The following DIP2B variants were observed in gnomAD, a reference collection of about 807,000 sequenced individuals.
DIP2B encodes the protein disco-interacting protein 2 homolog B.
In DIP2B, 76 loss-of-function variants were observed where a neutral mutation model predicts 198.0. The observed-to-expected ratio is 0.38, with a 90% CI of 0.32 to 0.46. The LOEUF (loss-of-function observed/expected upper bound fraction) is 0.46, where lower values mean the gene tolerates loss of function less well. Ranked by LOEUF, DIP2B falls within the 20% of genes least tolerant of loss-of-function variation. The pLI is 0.99. For missense variants in DIP2B, 1,559 were observed against 1,978.4 expected, an observed-to-expected ratio of 0.79 and a Z score of 4.02; for synonymous variants, 701 against 739.1, an observed-to-expected ratio of 0.95 and a Z score of 0.84.
At chr12:50,695,242 C>G in intron 14 of DIP2B, 25 bp from the exon 15 acceptor site, 1 of 1,593,980 alleles carries the variant, frequency 6.3e-7, no homozygotes, top group African/African-American at 1.3e-5. Flanking sequence ...GTATTGATTA[C>G]TTTTCTTCTT....
Position 50,691,195 on chromosome 12 carries a change from A to T in DIP2B, c.1654+44A>T, listed in dbSNP as rs997608778. 6 of 1,544,926 alleles carry T rather than the reference A, an allele frequency of 3.9e-6. No individual in the cohort carries two copies. In the East Asian group the frequency reaches 6.8e-5, roughly 17 times the overall value. ...ACTGCCCTCATTGTTACCTTCAGAG[A>T]TGTGTGACTGTGAGCACAATGCTCA... On this transcript the variant is annotated intron_variant, in intron 13 of 37. Transcript: ENST00000301180.
intron 1 of DIP2B, among the ~76,000 whole-genome samples, chr12:50,544,771 C>G (rs1011857547): frequency 6.6e-6 from 1 of 152,012 alleles, no homozygotes; most frequent in Non-Finnish European, 1.5e-5. Context: ...GTGCGTGCCA[C>G]CACGCCCGGC....
intron 1 of DIP2B, among the ~76,000 whole-genome samples, chr12:50,576,463 C>T (rs1290817622): frequency 1.3e-5 from 2 of 151,096 alleles, no homozygotes; most frequent in African/African-American, 2.4e-5. Flanking sequence ...TACATATTTA[C>T]GGTCTGACCG....
chr12:50,692,954 A>G lies in DIP2B; in HGVS notation c.1660A>G (p.Thr554Ala). ...SQACNYSEGETIVNVLDFKKD... is the reference protein window; with the variant it reads ...SQACNYSEGEAIVNVLDFKKD... ...TCCTATTTTTTCTATTTTAGGGGAA[A>G]CAATAGTAAATGTCTTAGACTTTAA... The change falls in exon 14 of 38, where the codon ACA becomes GCA. Residue 554 changes from threonine to alanine, a missense_variant. By Grantham distance (58) the Thr-to-Ala change is moderately conservative (BLOSUM62 0). Coordinates refer to ENST00000301180, the MANE Select transcript of DIP2B (RefSeq NM_173602.3). 2 of 1,608,354 alleles carry G rather than the reference A, an allele frequency of 1.2e-6. No individual in the cohort carries two copies. Among genetic ancestry groups the G allele is most frequent in the Non-Finnish European group, 1.7e-6 (2 of 1,178,660 alleles).
chr12:50,532,469 G>T (rs1448113818), intron 1 of DIP2B, among the ~76,000 whole-genome samples: 1 of 152,120 alleles, frequency 6.6e-6, no homozygotes, highest in African/African-American at 2.4e-5. Context: ...GAGCCAGATC[G>T]CACCACAGCA....
intron 1 of DIP2B, among the ~76,000 whole-genome samples, chr12:50,536,948 G>A (rs780278908): frequency 8.6e-5 from 13 of 151,120 alleles, no homozygotes; most frequent in Non-Finnish European, 1.6e-4. Flanking sequence ...TTTTGGCCTA[G>A]TGAGGATTAG....
intron 3 of DIP2B, 151 bp downstream of exon 3, chr12:50,641,003 C>A: frequency 9.8e-7 from 1 of 1,016,930 alleles, no homozygotes; most frequent in Non-Finnish European, 1.4e-6. Flanking sequence ...TTATTTTGTA[C>A]CCTACTATGT....
intron 1 of DIP2B, among the ~76,000 whole-genome samples, chr12:50,586,501 A>G (rs1416013658): frequency 6.6e-6 from 1 of 152,204 alleles, no homozygotes; most frequent in African/African-American, 2.4e-5. Context: ...AAACTTGAAG[A>G]AGTGAGTTTC....
At chr12:50,664,129 G>A (rs981757105) in intron 4 of DIP2B, among the ~76,000 whole-genome samples, 3 of 152,086 alleles carry the variant, frequency 2.0e-5, no homozygotes, top group East Asian at 1.9e-4. Flanking sequence ...CACTCAATAC[G>A]TAACTGTTTG....
chr12:50,548,898 C>A (rs1958400476), intron 1 of DIP2B, among the ~76,000 whole-genome samples: 1 of 152,152 alleles, frequency 6.6e-6, no homozygotes, highest in Non-Finnish European at 1.5e-5. Flanking sequence ...TTCTTAAATT[C>A]TTTAAGAAGT....
intron 1 of DIP2B, among the ~76,000 whole-genome samples, chr12:50,520,609 T>A (rs945343174): frequency 2.0e-5 from 3 of 152,210 alleles, no homozygotes; most frequent in African/African-American, 7.2e-5. Flanking sequence ...ATGAACATCC[T>A]GTTAAAAAAA....
chr12:50,566,546 T>C (rs1958564833), intron 1 of DIP2B, among the ~76,000 whole-genome samples: 1 of 152,218 alleles, frequency 6.6e-6, no homozygotes, highest in Non-Finnish European at 1.5e-5. Context: ...CAATTACTCT[T>C]TCTATACCAA....
chr12:50,516,238 TCTC>T (rs1251583725), intron 1 of DIP2B, among the ~76,000 whole-genome samples: 1 of 148,886 alleles, frequency 6.7e-6, no homozygotes, highest in Non-Finnish European at 1.5e-5. Context: ...TCTCTCTCTC[TCTC>T]TCTCTATCTC....
intron 5 of DIP2B, among the ~76,000 whole-genome samples, chr12:50,674,009 C>T (rs1053145245): frequency 1.3e-5 from 2 of 152,030 alleles, no homozygotes; most frequent in Non-Finnish European, 2.9e-5. Context: ...GACCCACTTT[C>T]AAGATACGAG....
Position 50,558,258 on chromosome 12 carries a change from CTT to C in DIP2B, c.100+53022_100+53023del, listed in dbSNP as rs558918840. Among the ~76,000 whole-genome samples, 180 of 152,210 alleles carry C rather than the reference CTT, an allele frequency of 1.2e-3. 1 individual carries two copies. Among genetic ancestry groups the C allele is most frequent in the Admixed American group, 3.7e-3 (56 of 15,280 alleles). Reference sequence around the variant, plus strand: ...TTTATTATATGATCTAGTTCAGAAACTTTTTAGATATGACATTGTTTTGATCA... The same window carrying C: ...TTTATTATATGATCTAGTTCAGAAACTTTAGATATGACATTGTTTTGATCA... On this transcript the variant is annotated intron_variant, in intron 1 of 37. Coordinates refer to ENST00000301180, the MANE Select transcript of DIP2B (RefSeq NM_173602.3).
At chr12:50,722,249 GTTTGTTTATTTTATTTTAT>G (rs1343332811) in intron 26 of DIP2B, among the ~76,000 whole-genome samples, 12 of 131,702 alleles carry the variant, frequency 9.1e-5, no homozygotes, top group South Asian at 5.9e-4. Context: ...TTGTTTGTTT[GTTTGTTTATTTTATTTTAT>G]TTTATTTTAT....
chr12:50,741,142 C>G lies in DIP2B; in HGVS notation c.4355-274C>G, dbSNP rs79052252. Among the ~76,000 whole-genome samples the G allele has an allele frequency of 8.5e-4, 130 of 152,340 alleles. 2 individuals are homozygous for G. In the East Asian group the frequency reaches 0.023, roughly 27 times the overall value. The stretch of plus-strand genomic sequence containing the variant: ...AGTTCCTAACATGTAATAATACTAA[C>G]AGCTAATTTCTGGTATCATTTACAA... On this transcript the variant is annotated intron_variant, in intron 36 of 37. Coordinates refer to ENST00000301180, the MANE Select transcript of DIP2B (RefSeq NM_173602.3).
chr12:50,509,556 A>G (rs1565806987), intron 1 of DIP2B, among the ~76,000 whole-genome samples: 1 of 152,218 alleles, frequency 6.6e-6, no homozygotes, highest in Non-Finnish European at 1.5e-5. Flanking sequence ...TGTCTGTTTC[A>G]TCACGTAGCT....
chr12:50,546,346 T>G (rs897894078), intron 1 of DIP2B, among the ~76,000 whole-genome samples: 1 of 152,208 alleles, frequency 6.6e-6, no homozygotes, highest in African/African-American at 2.4e-5. Flanking sequence ...TTAAAAAAAT[T>G]TCAACTTTTA....
Sources: gnomAD v4.1 joint callset for allele counts (sites outside exome capture counted in the v4.1 genomes callset) on GRCh38, gnomAD v4.1.1 for gene constraint, MANE v1.5 for transcripts, NCBI Gene and HGNC (gene_info 2026-07-23, HGNC 2026-07-21) for gene names.